The following BCAS3 variants were observed in gnomAD, a reference collection of about 807,000 sequenced individuals.
BCAS3 encodes the protein BCAS4/BCAS3 fusion.
Under a neutral mutation model 116.1 loss-of-function variants are expected in BCAS3, and 53 were observed. That is an observed-to-expected ratio of 0.46 (90% CI 0.37 to 0.57). The LOEUF (loss-of-function observed/expected upper bound fraction) is 0.57, where lower values mean the gene tolerates loss of function less well. Among genes scored for constraint, BCAS3 ranks in the 20% least tolerant of loss-of-function variants. BCAS3 has a pLI of 0.00. For missense variants in BCAS3, 917 were observed against 1,165.4 expected (o/e 0.79, Z 3.10); for synonymous variants, 391 against 408.2 (o/e 0.96, Z 0.51).
chr17:60,810,392 GC>G, intron 7 of BCAS3: 1 of 476,090 alleles, frequency 2.1e-6, no homozygotes. Context: ...GGACTGAGAG[GC>G]ATCCAGAATG....
intron 7 of BCAS3, chr17:60,810,869 T>C: frequency 1.4e-6 from 1 of 703,004 alleles, no homozygotes; most frequent in Non-Finnish European, 2.6e-6. Context: ...GGGTTGACCA[T>C]GGAGGTAGAT....
At chr17:60,878,471 TATG>T (rs2055827071) in intron 9 of BCAS3, among the ~76,000 whole-genome samples, 1 of 152,196 alleles carries the variant, frequency 6.6e-6, no homozygotes, top group Admixed American at 6.5e-5. Flanking sequence ...ATGTGTTCAA[TATG>T]TGTACACTTT....
At chr17:60,859,507 G>A (rs1193480168) in intron 7 of BCAS3, among the ~76,000 whole-genome samples, 2 of 151,892 alleles carry the variant, frequency 1.3e-5, no homozygotes, top group South Asian at 2.1e-4. Flanking sequence ...CATTTATGTT[G>A]CTGCAAAGGA....
chr17:61,184,494 G>A (rs1188895942), intron 22 of BCAS3, among the ~76,000 whole-genome samples: 1 of 152,142 alleles, frequency 6.6e-6, no homozygotes, highest in African/African-American at 2.4e-5. Flanking sequence ...CTCTTACACT[G>A]TACATTGTTT....
intron 5 of BCAS3, among the ~76,000 whole-genome samples, chr17:60,746,966 C>G (rs1219661487): frequency 6.6e-6 from 1 of 151,950 alleles, no homozygotes; most frequent in Non-Finnish European, 1.5e-5. Flanking sequence ...CAGAACAGAC[C>G]CTTTTTTTCT....
chr17:61,319,821 G>A (rs2055043968), intron 22 of BCAS3, among the ~76,000 whole-genome samples: 1 of 150,884 alleles, frequency 6.6e-6, no homozygotes, highest in African/African-American at 2.4e-5. Context: ...TTTCCTTTGT[G>A]CATAAACTCA....
chr17:61,293,212 G>C (rs2052599169), intron 22 of BCAS3, among the ~76,000 whole-genome samples: 1 of 152,124 alleles, frequency 6.6e-6, no homozygotes, highest in Admixed American at 6.5e-5. Flanking sequence ...CTTCATTTGG[G>C]AACAAATGGA....
At chr17:60,779,309 G>A (rs747561195) in intron 6 of BCAS3, among the ~76,000 whole-genome samples, 3 of 150,980 alleles carry the variant, frequency 2.0e-5, no homozygotes, top group African/African-American at 7.3e-5. Flanking sequence ...CAAAAATACT[G>A]TATCAAATTA....
rs1409845693 is a variant in BCAS3 at position 61,089,317 on chromosome 17, TACTC to T, written c.2425+4755_2425+4758del. 6.6e-5 allele frequency among the ~76,000 whole-genome samples: 10 copies of T among 151,980 alleles called. No individual in the cohort carries two copies. In the South Asian group the frequency reaches 1.7e-3, roughly 25 times the overall value. On this transcript the variant is annotated intron_variant, in intron 22 of 23. Transcript: ENST00000407086. ...TATATCACCTTAAAAAAACAAATAA[TACTC>T]ATTAATAGAGAAGTGTGATTAGATA... is the stretch of plus-strand genomic sequence containing the variant.
At chr17:60,888,014 C>G (rs903514138) in intron 9 of BCAS3, among the ~76,000 whole-genome samples, 2 of 152,070 alleles carry the variant, frequency 1.3e-5, no homozygotes, top group African/African-American at 4.8e-5. Flanking sequence ...TTCATGTCCC[C>G]CCAACCCCTT....
At chr17:61,250,404 C>T (rs1324823602) in intron 22 of BCAS3, among the ~76,000 whole-genome samples, 3 of 151,994 alleles carry the variant, frequency 2.0e-5, no homozygotes, top group Non-Finnish European at 2.9e-5. Flanking sequence ...ATATATTGTA[C>T]GAGATGGAAA....
chr17:61,237,731 G>T (rs1215891886), intron 22 of BCAS3, among the ~76,000 whole-genome samples: 2 of 152,218 alleles, frequency 1.3e-5, no homozygotes, highest in African/African-American at 4.8e-5. Context: ...TCCCAAGACT[G>T]CTCAGCCCAT....
chr17:61,359,129 A>G (rs1470709836), intron 22 of BCAS3, among the ~76,000 whole-genome samples: 1 of 152,090 alleles, frequency 6.6e-6, no homozygotes, highest in Non-Finnish European at 1.5e-5. Flanking sequence ...GGCATTGCCC[A>G]GGCTCCAGTA....
Position 61,251,358 on chromosome 17 carries a change from T to G in BCAS3, c.2426-116969T>G, listed in dbSNP as rs1239691308. ...GCTGAGGCGGGCGGATCACCTGAGG[T>G]CAGAGTTTGAGACCATCCTGGCCAA... On this transcript the variant is annotated intron_variant, in intron 22 of 23. Transcript: ENST00000407086. This position sits in a 1 kb window ranked among gnomAD's most constrained non-coding sequence, Gnocchi z 4.7. 6.6e-6 allele frequency among the ~76,000 whole-genome samples: 1 copy of G among 151,834 alleles called. No individual in the cohort carries two copies. Among genetic ancestry groups the G allele is most frequent in the Non-Finnish European group, 1.5e-5 (1 of 67,938 alleles).
chr17:60,882,294 T>A (rs2056237688), intron 9 of BCAS3, among the ~76,000 whole-genome samples: 1 of 150,586 alleles, frequency 6.6e-6, no homozygotes, highest in African/African-American at 2.5e-5. Context: ...GGTTGTTTGT[T>A]TTTTTCTTGT....
intron 5 of BCAS3, among the ~76,000 whole-genome samples, chr17:60,717,535 A>AAG (rs1273848176): frequency 3.9e-5 from 6 of 152,112 alleles, no homozygotes; most frequent in African/African-American, 1.4e-4. Flanking sequence ...TCTTATATTT[A>AAG]AGAACAGCAA....
chr17:60,887,214 GCGTC>G (rs1423557245), intron 9 of BCAS3: 2 of 151,666 alleles, frequency 1.3e-5, no homozygotes, highest in Non-Finnish European at 2.9e-5. Context: ...TTTTCCAGGT[GCGTC>G]CGTCACCCCT....
chr17:61,001,679 TAG>T (rs2064250121), intron 15 of BCAS3, among the ~76,000 whole-genome samples: 1 of 152,176 alleles, frequency 6.6e-6, no homozygotes, highest in African/African-American at 2.4e-5. Flanking sequence ...GGGGATATCT[TAG>T]TTTAGTACCT....
chr17:61,191,378 A>C (rs959097111), intron 22 of BCAS3, among the ~76,000 whole-genome samples: 1 of 152,252 alleles, frequency 6.6e-6, no homozygotes, highest in African/African-American at 2.4e-5. Context: ...CAATTAAAAA[A>C]TTTAAGATCC....
Sources: allele counts gnomAD v4.1 joint callset (sites outside exome capture counted in the v4.1 genomes callset), GRCh38; gene constraint gnomAD v4.1.1; non-coding constraint Gnocchi (gnomAD v3.1); transcripts MANE v1.5; gene names NCBI Gene and HGNC (gene_info 2026-07-23, HGNC 2026-07-21).